The following ZNF462 variants were observed in gnomAD, a reference collection of about 807,000 sequenced individuals.
ZNF462 encodes zinc finger protein 462.
A neutral mutation model predicts 201.9 loss-of-function variants in ZNF462; 10 were observed. The observed-to-expected ratio is 0.05, with a 90% confidence interval of 0.03 to 0.08. The LOEUF (loss-of-function observed/expected upper bound fraction) is 0.08, where lower values mean the gene tolerates loss of function less well. ZNF462 is among the 10% of genes least tolerant of loss of function. The pLI is 1.00. For missense variants in ZNF462, 2,523 were observed against 3,168.3 expected, an observed-to-expected ratio of 0.80 and a Z score of 4.89; for synonymous variants, 1,227 against 1,193.3, an observed-to-expected ratio of 1.03 and a Z score of -0.58.
Position 107,009,628 on chromosome 9 carries a change from C to G in ZNF462, c.7273C>G (p.Gln2425Glu). The change falls in exon 12 of 13, where the codon CAG becomes GAG. Residue 2425 changes from glutamine (Q) to glutamate (E), a missense_variant. Gln to Glu is a conservative substitution (Grantham distance 29). Around this residue, in one of 15 missense-constraint regions of ZNF462, gnomAD observed 228 missense variants for 361.2 expected, o/e 0.63. Coordinates refer to ENST00000277225, the MANE Select transcript of ZNF462 (RefSeq NM_021224.6). The surrounding 1 kb of genome is among the most constrained non-coding windows in gnomAD (Gnocchi z 6.1). ...TGAATTTTGTGGACGGGCGTTTTCA[C>G]AGGGCTCTGAGTGGGAAAGACATGT... Reference protein sequence around the residue: ...PCEFCGRAFSQGSEWERHVLR... With the variant: ...PCEFCGRAFSEGSEWERHVLR... 9 of 1,613,702 alleles carry G rather than the reference C, an allele frequency of 5.6e-6. No homozygotes were observed. Among genetic ancestry groups the G allele is most frequent in the Non-Finnish European group, 6.8e-6 (8 of 1,179,900 alleles).
intron 1 of ZNF462, among the ~76,000 whole-genome samples, chr9:106,893,470 T>G (rs1828677551): frequency 6.6e-6 from 1 of 152,220 alleles, no homozygotes; most frequent in African/African-American, 2.4e-5. Flanking sequence ...CAGGATGGAT[T>G]TTAGTGATGA....
In ZNF462 at chr9:107,005,689, T is replaced by C. The variant is rs1027949381; in HGVS notation, c.7189+2263T>C. Among the ~76,000 whole-genome samples the C allele has an allele frequency of 1.3e-5, 2 of 152,224 alleles. No homozygotes were observed. The highest frequency in any genetic ancestry group is 2.4e-5 in the African/African-American group (1 of 41,464). ...TGTGCAGAAGCTGTTTAGTTTGATG[T>C]AATTCTGTTTATCTGTTTTTGCTTT... On this transcript the variant is annotated intron_variant, in intron 11 of 12. Transcript: ENST00000277225. This position sits in a 1 kb window ranked among gnomAD's most constrained non-coding sequence, Gnocchi z 4.4.
At chr9:106,862,955 CTCTT>C (rs1827119123), upstream of ZNF462, 3 of 395,426 alleles carry the variant, frequency 7.6e-6, no homozygotes, top group Admixed American at 8.9e-5. The surrounding 1 kb of genome is among the most constrained non-coding windows in gnomAD (Gnocchi z 4.2). Flanking sequence ...TCTTCCTTCT[CTCTT>C]TCTGTCTTGC....
chr9:107,001,150 T>C (rs1339103521), intron 10 of ZNF462, among the ~76,000 whole-genome samples: 1 of 152,164 alleles, frequency 6.6e-6, no homozygotes, highest in Admixed American at 6.6e-5. Flanking sequence ...TTTTATGTGC[T>C]AGTCACTTAA....
chr9:106,927,204 T>C lies in ZNF462; in HGVS notation c.3292T>C (p.Ser1098Pro). 6.4e-7 allele frequency: 1 copy of C among 1,570,644 alleles called. No homozygotes were observed. The highest frequency in any genetic ancestry group is 8.7e-7 in the Non-Finnish European group (1 of 1,149,990). Residue 1098 changes from serine (S) to proline (P), a missense_variant, in exon 3 of 13, where the codon TCC becomes CCC. By Grantham distance (74) the Ser-to-Pro change is moderately conservative. This residue lies in a region of ZNF462 where 280 missense variants were observed against 321.3 expected (regional missense o/e 0.87). Transcript: ENST00000277225. ...PMSPKMSNMG[S>P]PPPPQPPPPD... ...GTCTCCCAAAATGTCCAACATGGGT[T>C]CCCCACCCCCCCCACAACCCCCGCC...
intron 11 of ZNF462, among the ~76,000 whole-genome samples, chr9:107,007,517 G>A (rs10978700): frequency 6.6e-6 from 1 of 152,286 alleles, no homozygotes; most frequent in East Asian, 1.9e-4. Flanking sequence ...CAGAGGGTGG[G>A]GGATTTACAT....
rs534462362 is a variant in ZNF462 at position 106,865,453 on chromosome 9, T to C, written c.-31+2098T>C. Among the ~76,000 whole-genome samples the C allele has an allele frequency of 6.6e-6, 1 of 152,282 alleles. No individual in the cohort carries two copies. Among genetic ancestry groups the C allele is most frequent in the African/African-American group, 2.4e-5 (1 of 41,562 alleles). On this transcript the variant is annotated intron_variant, in intron 1 of 12. Coordinates refer to ENST00000277225, the MANE Select transcript of ZNF462 (RefSeq NM_021224.6). This position sits in a 1 kb window ranked among gnomAD's most constrained non-coding sequence, Gnocchi z 4.1. ...TGCATTGCAAGACTTTATTGTCTGA[T>C]TTGAGTTGATTTCTGCAAATATAAA...
chr9:106,918,043 T>C lies in ZNF462; in HGVS notation c.-30-5311T>C, dbSNP rs556599486. Among the ~76,000 whole-genome samples, 131 of 151,558 alleles carry C rather than the reference T, an allele frequency of 8.6e-4. 1 individual carries two copies. Among genetic ancestry groups the C allele is most frequent in the African/African-American group, 3.1e-3 (128 of 41,346 alleles). On this transcript the variant is annotated intron_variant, in intron 1 of 12. Coordinates refer to ENST00000277225, the MANE Select transcript of ZNF462 (RefSeq NM_021224.6). The stretch of plus-strand genomic sequence containing the variant: ...GGTGCCCACCACCACACCCGGCTAA[T>C]TTTTTTTATTTTTAGTAGAAACAGG...
Position 106,929,829 on chromosome 9 carries a change from G to A in ZNF462, c.5847+70G>A, listed in dbSNP as rs981394525. 2.7e-5 allele frequency: 38 copies of A among 1,401,386 alleles called. 1 individual carries two copies. The highest frequency in any genetic ancestry group is 7.2e-5 in the African/African-American group (5 of 69,148). The allele number at this position is 1,401,386 out of a possible 1,614,324, so 86.8% of individuals were successfully genotyped here. A position where few individuals can be genotyped will look rare whatever the true frequency, so the allele number is the denominator to read the frequency against. On this transcript the variant is annotated intron_variant, in intron 3 of 12. Coordinates refer to ENST00000277225, the MANE Select transcript of ZNF462 (RefSeq NM_021224.6). The surrounding 1 kb of genome is among the most constrained non-coding windows in gnomAD (Gnocchi z 8.7). ...CACTGGTGCCCACATGCACTTCTTC[G>A]TTGCCAGCCAAACTGCTGCAGGCTT...
intron 7 of ZNF462, among the ~76,000 whole-genome samples, chr9:106,961,488 T>C (rs1023443477): frequency 6.6e-6 from 1 of 152,116 alleles, no homozygotes; most frequent in South Asian, 2.1e-4. Flanking sequence ...CAGTTGCATT[T>C]TCTTTTTAAA....
In ZNF462 at chr9:106,925,122, A is replaced by G. The variant is rs17723637; in HGVS notation, c.1210A>G (p.Met404Val). ...AGACAGTGAGAATGGTTTAAGTGCT[A>G]TGGATCACCAGACATCAGGCCTGTC... ...EIDSENGLSAMDHQTSGLSAE... is the reference protein window; with the variant it reads ...EIDSENGLSAVDHQTSGLSAE... The change falls in exon 3 of 13, where the codon ATG (methionine) becomes GTG (valine). Residue 404 changes from methionine (M) to valine (V), a missense_variant. Physicochemically the swap from Met to Val is conservative, Grantham distance 21. Around this residue, in one of 15 missense-constraint regions of ZNF462, gnomAD observed 480 missense variants for 544.4 expected, o/e 0.88. Coordinates refer to ENST00000277225, the MANE Select transcript of ZNF462 (RefSeq NM_021224.6). This position sits in a 1 kb window ranked among gnomAD's most constrained non-coding sequence, Gnocchi z 7.9. 0.14 allele frequency: 231,779 copies of G among 1,614,088 alleles called. 17,112 individuals are homozygous for G. The highest frequency in any genetic ancestry group is 0.18 in the South Asian group (16,564 of 91,078).
At position 107,010,480 on chromosome 9, in the gene ZNF462, GACAATTCT is replaced by G. The variant is rs1185428967; in HGVS notation, c.7314-342_7314-335del. Among the ~76,000 whole-genome samples the G allele has an allele frequency of 6.6e-6, 1 of 152,154 alleles. No individual in the cohort carries two copies. Among genetic ancestry groups the G allele is most frequent in the African/African-American group, 2.4e-5 (1 of 41,424 alleles). ...GTTCAGCCGATGACTCTGAGCATAAGACAATTCTTGCTGTTACCACTTATGACCCAGTA... is the reference window on the plus strand; with the variant it reads ...GTTCAGCCGATGACTCTGAGCATAAGTGCTGTTACCACTTATGACCCAGTA... On this transcript the variant is annotated intron_variant, in intron 12 of 12. Transcript: ENST00000277225. This position sits in a 1 kb window ranked among gnomAD's most constrained non-coding sequence, Gnocchi z 4.6.
Position 106,993,042 on chromosome 9 carries a change from T to G in ZNF462, c.7056+8633T>G, listed in dbSNP as rs1047243327. ...TTCACTTTTTTTCCCAGTAAAACAG[T>G]GCATTGCTCATTATATTCTTCTACA... On this transcript the variant is annotated intron_variant, in intron 10 of 12. Transcript: ENST00000277225. This position sits in a 1 kb window ranked among gnomAD's most constrained non-coding sequence, Gnocchi z 4.0. 2.0e-5 allele frequency among the ~76,000 whole-genome samples: 3 copies of G among 152,150 alleles called. No individual in the cohort carries two copies. The highest frequency in any genetic ancestry group is 7.2e-5 in the African/African-American group (3 of 41,448).
intron 1 of ZNF462, among the ~76,000 whole-genome samples, chr9:106,869,251 T>A (rs2130810777): frequency 6.6e-6 from 1 of 152,340 alleles, no homozygotes; most frequent in African/African-American, 2.4e-5. Context: ...AAACAATTAC[T>A]GGTGGTTTTC....
Position 106,927,939 on chromosome 9 carries a change from A to G in ZNF462, c.4027A>G (p.Thr1343Ala). ...RRHPEHYVDY[T>A]YMATKLWAGP... ...GCATCCAGAACACTATGTTGATTAC[A>G]CCTACATGGCTACTAAACTGTGGGC... The change falls in exon 3 of 13, where the codon ACC becomes GCC. Residue 1343 changes from threonine to alanine, a missense_variant. Thr to Ala is a moderately conservative substitution (Grantham distance 58). Transcript: ENST00000277225. 1 of 1,614,086 alleles carries G rather than the reference A, an allele frequency of 6.2e-7. No individual in the cohort carries two copies. The highest frequency in any genetic ancestry group is 8.5e-7 in the Non-Finnish European group (1 of 1,180,018).
At chr9:106,957,352 G>C (rs546311991) in intron 7 of ZNF462, among the ~76,000 whole-genome samples, 38 of 152,146 alleles carry the variant, frequency 2.5e-4, no homozygotes, top group African/African-American at 8.7e-4. Context: ...ATCTTACATA[G>C]GCATGGTTCA....
rs1832070891 is a variant in ZNF462 at position 106,966,348 on chromosome 9, T to C, written c.6428-5657T>C. 6.6e-6 allele frequency among the ~76,000 whole-genome samples: 1 copy of C among 152,090 alleles called. No homozygotes were observed. Among genetic ancestry groups the C allele is most frequent in the Non-Finnish European group, 1.5e-5 (1 of 67,986 alleles). On this transcript the variant is annotated intron_variant, in intron 7 of 12. Coordinates refer to ENST00000277225, the MANE Select transcript of ZNF462 (RefSeq NM_021224.6). This position sits in a 1 kb window ranked among gnomAD's most constrained non-coding sequence, Gnocchi z 4.4. ...ATGTAGTTGTTGAATTTCTGTTTAG[T>C]TTCTCCAAAATGTACGACTTAAGGT...
chr9:106,997,648 C>T (rs1828840436), intron 10 of ZNF462, among the ~76,000 whole-genome samples: 1 of 152,062 alleles, frequency 6.6e-6, no homozygotes, highest in African/African-American at 2.4e-5. Flanking sequence ...TGTAAGAAAT[C>T]GTAGAGACAA....
rs148014055 is a variant in ZNF462 at position 106,968,868 on chromosome 9, C to T, written c.6428-3137C>T. Reference sequence around the variant, plus strand: ...TTTTTAACTTATGTGACATGCCCTTCGCAGCTAACAATCTGTTTGCCTTTC... The same window carrying T: ...TTTTTAACTTATGTGACATGCCCTTTGCAGCTAACAATCTGTTTGCCTTTC... On this transcript the variant is annotated intron_variant, in intron 7 of 12. Coordinates refer to ENST00000277225, the MANE Select transcript of ZNF462 (RefSeq NM_021224.6). The surrounding 1 kb of genome is among the most constrained non-coding windows in gnomAD (Gnocchi z 4.0). Among the ~76,000 whole-genome samples, 110 of 152,276 alleles carry T rather than the reference C, an allele frequency of 7.2e-4. No homozygotes were observed. The highest frequency in any genetic ancestry group is 2.5e-3 in the African/African-American group (103 of 41,554).
Sources: allele counts gnomAD v4.1 joint callset (sites outside exome capture counted in the v4.1 genomes callset), GRCh38; gene constraint gnomAD v4.1.1; regional missense constraint gnomAD v4.1.1; non-coding constraint Gnocchi (gnomAD v3.1); transcripts MANE v1.5; gene names NCBI Gene and HGNC (gene_info 2026-07-23, HGNC 2026-07-21).